UBE3A: variants seen among roughly 807,000 people sequenced by gnomAD.
The protein encoded by UBE3A is ubiquitin protein ligase E3A.
In UBE3A, 6 loss-of-function variants were observed where a neutral mutation model predicts 83.4. The observed-to-expected ratio is 0.07, with a 90% CI of 0.04 to 0.14. The LOEUF (loss-of-function observed/expected upper bound fraction) is 0.14. Ranked by LOEUF, UBE3A falls within the 10% of genes least tolerant of loss-of-function variation. UBE3A has a pLI of 1.00. For missense variants in UBE3A, 456 were observed against 1,036.1 expected (o/e 0.44, Z 7.69); for synonymous variants, 337 against 355.4 (o/e 0.95, Z 0.58).
At chr15:25,421,360 T>G (rs1889755459) in intron 1 of UBE3A, among the ~76,000 whole-genome samples, 1 of 152,184 alleles carries the variant, frequency 6.6e-6, no homozygotes, top group South Asian at 2.1e-4. Flanking sequence ...CCAAATAAAC[T>G]TCTTTTCTTT....
At chr15:25,398,465 T>A (rs538632185) in intron 4 of UBE3A, among the ~76,000 whole-genome samples, 1 of 151,948 alleles carries the variant, frequency 6.6e-6, no homozygotes, top group Non-Finnish European at 1.5e-5. Context: ...CCCAGTCCAC[T>A]CACCCCCAGC....
chr15:25,381,499 G>A (rs571842436), intron 4 of UBE3A, among the ~76,000 whole-genome samples: 15 of 152,020 alleles, frequency 9.9e-5, no homozygotes, highest in South Asian at 2.1e-4. Flanking sequence ...AAATAAAAAC[G>A]GAAAGATTAA....
rs1031730066 is a variant in UBE3A at position 25,339,059 on chromosome 15, C to T, written c.*78G>A. 13 of 1,421,408 alleles carry T rather than the reference C, an allele frequency of 9.1e-6. No individual in the cohort carries two copies. Among genetic ancestry groups the T allele is most frequent in the Non-Finnish European group, 9.2e-6 (10 of 1,086,406 alleles). The allele number at this position is 1,421,408 out of a possible 1,614,324, so 88.0% of individuals were successfully genotyped here. On this transcript the variant is annotated 3_prime_UTR_variant, in exon 13 of 13. Transcript: ENST00000648336. ...CTATCACCACCAAAAATTTATCCCTCGTTATATTTTTAAAATTTTTTAAAT... is the reference window on the plus strand; with the variant it reads ...CTATCACCACCAAAAATTTATCCCTTGTTATATTTTTAAAATTTTTTAAAT...
At chr15:25,428,993 T>C (rs1265074897) in intron 1 of UBE3A, among the ~76,000 whole-genome samples, 1 of 152,178 alleles carries the variant, frequency 6.6e-6, no homozygotes, top group Non-Finnish European at 1.5e-5. Context: ...ACATTTTATC[T>C]ATGCATAAAA....
chr15:25,413,994 C>T (rs558278001), intron 1 of UBE3A, among the ~76,000 whole-genome samples: 69 of 152,252 alleles, frequency 4.5e-4, no homozygotes, highest in Non-Finnish European at 7.4e-4. Flanking sequence ...CAATTTTCTG[C>T]GCAATGTCAT....
intron 4 of UBE3A, among the ~76,000 whole-genome samples, chr15:25,400,936 T>C (rs1334665965): frequency 6.6e-6 from 1 of 152,238 alleles, no homozygotes; most frequent in Non-Finnish European, 1.5e-5. Flanking sequence ...AGCAGTGTGT[T>C]TGTCAATATG....
intron 4 of UBE3A, among the ~76,000 whole-genome samples, chr15:25,399,657 C>T (rs1477330381): frequency 6.6e-6 from 1 of 152,104 alleles, no homozygotes; most frequent in Non-Finnish European, 1.5e-5. Context: ...CCACCTTAAG[C>T]TCCTGAGCTC....
intron 4 of UBE3A, among the ~76,000 whole-genome samples, chr15:25,391,964 T>C (rs765726923): frequency 1.3e-5 from 2 of 151,924 alleles, no homozygotes; most frequent in Non-Finnish European, 2.9e-5. Context: ...GGCAGCAGAT[T>C]TGGGAAAGAG....
At chr15:25,369,380 A>C (rs2079910763) in intron 6 of UBE3A, among the ~76,000 whole-genome samples, 1 of 145,048 alleles carries the variant, frequency 6.9e-6, no homozygotes, top group African/African-American at 2.7e-5. Context: ...GTAACAAAAA[A>C]AAAAAAAACA....
At position 25,354,446 on chromosome 15, in the gene UBE3A, T is replaced by C. The variant is rs376920758; in HGVS notation, c.2281-20A>G. On this transcript the variant is annotated intron_variant, in intron 10 of 12. Coordinates refer to ENST00000648336, the MANE Select transcript of UBE3A (RefSeq NM_130839.5). ...TAGATTCTGCAAATTCAAGAAAATA[T>C]GTCTTAGTTATCTGCTATACTACTG... is the stretch of plus-strand genomic sequence containing the variant. The C allele has an allele frequency of 1.1e-5, 17 of 1,612,940 alleles. No individual in the cohort carries two copies. The African/African-American group carries it at 2.2e-4, about 20-fold the overall frequency.
At chr15:25,343,073 C>A (rs2075120997) in intron 11 of UBE3A, among the ~76,000 whole-genome samples, 1 of 152,120 alleles carries the variant, frequency 6.6e-6, no homozygotes, top group Non-Finnish European at 1.5e-5. Flanking sequence ...TCTGCCCTTA[C>A]TAAAGCAACA....
chr15:25,394,136 A>C (rs1036946091), intron 4 of UBE3A, among the ~76,000 whole-genome samples: 2 of 152,192 alleles, frequency 1.3e-5, no homozygotes, highest in African/African-American at 4.8e-5. Context: ...CATACCAACC[A>C]GTACCTATTC....
At chr15:25,344,738 T>C (rs1236498101) in intron 11 of UBE3A, among the ~76,000 whole-genome samples, 1 of 152,204 alleles carries the variant, frequency 6.6e-6, no homozygotes, top group East Asian at 1.9e-4. Context: ...TCTGTAGAAC[T>C]GTTTTTCAAG....
At chr15:25,395,594 T>C (rs1358082969) in intron 4 of UBE3A, among the ~76,000 whole-genome samples, 1 of 152,112 alleles carries the variant, frequency 6.6e-6, no homozygotes, top group East Asian at 1.9e-4. Flanking sequence ...TGGCAAAATA[T>C]TATGAGAGAC....
intron 1 of UBE3A, among the ~76,000 whole-genome samples, chr15:25,415,124 AAT>A (rs2090634003): frequency 6.6e-6 from 1 of 152,090 alleles, no homozygotes; most frequent in Non-Finnish European, 1.5e-5. Context: ...TTTCCTTAAA[AAT>A]ATCTCTTACT....
intron 4 of UBE3A, among the ~76,000 whole-genome samples, chr15:25,382,413 T>C (rs1049216984): frequency 4.6e-5 from 7 of 150,822 alleles, no homozygotes; most frequent in Non-Finnish European, 8.9e-5. Context: ...AAAAGTAAAA[T>C]TGTAGAACTA....
chr15:25,345,432 A>G (rs1173135685), intron 11 of UBE3A, among the ~76,000 whole-genome samples: 2 of 152,156 alleles, frequency 1.3e-5, no homozygotes, highest in African/African-American at 2.4e-5. Context: ...GGAGTAAAGA[A>G]GGCAGTTTCA....
chr15:25,418,940 T>C (rs1296516516), intron 1 of UBE3A: 1 of 152,162 alleles, frequency 6.6e-6, no homozygotes, highest in Non-Finnish European at 1.5e-5. Context: ...ATCCCTTATA[T>C]AAAATGGCAT....
At chr15:25,395,642 G>A (rs1380635180) in intron 4 of UBE3A, among the ~76,000 whole-genome samples, 1 of 152,140 alleles carries the variant, frequency 6.6e-6, no homozygotes, top group East Asian at 1.9e-4. Flanking sequence ...GCTCCACTTA[G>A]GACAGGTTAA....
Sources: gnomAD v4.1 joint callset for allele counts (sites outside exome capture counted in the v4.1 genomes callset) on GRCh38, gnomAD v4.1.1 for gene constraint, MANE v1.5 for transcripts, NCBI Gene and HGNC (gene_info 2026-07-23, HGNC 2026-07-21) for gene names.